Variants in DOCK5 observed in about 807,000 individuals in gnomAD.
DOCK5 encodes the protein dedicator of cytokinesis 5.
Under a neutral mutation model 251.8 loss-of-function variants are expected in DOCK5, and 142 were observed. That is an observed-to-expected ratio of 0.56 (90% CI 0.49 to 0.65). The LOEUF (loss-of-function observed/expected upper bound fraction) is 0.65. Among genes scored for constraint, DOCK5 ranks in the 30% least tolerant of loss-of-function variants. The pLI, the probability that DOCK5 is intolerant of heterozygous loss-of-function variation, is 0.00. For synonymous variants in DOCK5, 842 were observed against 835.5 expected, an observed-to-expected ratio of 1.01 and a Z score of -0.13; for missense variants, 2,111 against 2,312.3, an observed-to-expected ratio of 0.91 and a Z score of 1.79.
chr8:25,286,890 A>G (rs1804349997), intron 5 of DOCK5, among the ~76,000 whole-genome samples: 1 of 152,088 alleles, frequency 6.6e-6, no homozygotes, highest in South Asian at 2.1e-4. Flanking sequence ...TCTTTAGCCC[A>G]TGCAGGTCTC....
In DOCK5 at chr8:25,210,043, TGTG is replaced by T. The variant is rs1802090224; in HGVS notation, c.43+25093_43+25095del. 2.4e-4 allele frequency among the ~76,000 whole-genome samples: 6 copies of T among 25,208 alleles called. 1 individual carries two copies. Among genetic ancestry groups the T allele is most frequent in the African/African-American group, 8.4e-4 (6 of 7,156 alleles). 16.5% of individuals were successfully genotyped at this position (25,208 alleles called of 152,430 possible). A position where few individuals can be genotyped will look rare whatever the true frequency, so the allele number is the denominator to read the frequency against. On this transcript the variant is annotated intron_variant, in intron 1 of 51. Transcript: ENST00000276440. ...ATATATATATATATATAAATGTGTG[TGTG>T]TGTGTGTGTGTGTGTGTGTGTGTAT...
chr8:25,400,820 A>G, intron 46 of DOCK5, 109 bp from the exon 47 acceptor site: 1 of 1,260,398 alleles, frequency 7.9e-7, no homozygotes, highest in East Asian at 2.3e-5. Flanking sequence ...ATTGGCCAGC[A>G]CTATGTCTAG....
At chr8:25,370,569 A>G (rs62502313) in intron 34 of DOCK5, among the ~76,000 whole-genome samples, 5 of 151,676 alleles carry the variant, frequency 3.3e-5, no homozygotes, top group Non-Finnish European at 7.4e-5. Context: ...CAGTGGTGCA[A>G]TGATAGCTCA....
chr8:25,318,701 C>A (rs1281146158), intron 14 of DOCK5, among the ~76,000 whole-genome samples: 1 of 149,384 alleles, frequency 6.7e-6, no homozygotes, highest in Admixed American at 6.7e-5. Context: ...AGAGGATAGG[C>A]AGGAGGTGGT....
Position 25,408,898 on chromosome 8 carries a change from T to G in DOCK5, c.5362T>G (p.Leu1788Val), listed in dbSNP as rs769164073. 1.9e-6 allele frequency: 3 copies of G among 1,614,014 alleles called. No homozygotes were observed. In the Admixed American group the frequency reaches 5.0e-5, roughly 27 times the overall value. Residue 1788 changes from leucine (L) to valine (V), a missense_variant, in exon 50 of 52, where the codon TTG (leucine) becomes GTG (valine). This residue lies in a region of DOCK5 where 1,717 missense variants were observed against 1,892.4 expected (regional missense o/e 0.91). Transcript: ENST00000276440. Reference protein sequence around the residue: ...HGSSPPQSTPLSPPPLTPKAT... With the variant: ...HGSSPPQSTPVSPPPLTPKAT... ...TTCTTCACCTCCTCAGTCAACACCCTTGAGCCCACCTCCACTCACTCCCAA... is the reference window on the plus strand; with the variant it reads ...TTCTTCACCTCCTCAGTCAACACCCGTGAGCCCACCTCCACTCACTCCCAA...
At chr8:25,327,744 G>C (rs1168437056) in intron 18 of DOCK5, among the ~76,000 whole-genome samples, 4 of 152,136 alleles carry the variant, frequency 2.6e-5, no homozygotes, top group African/African-American at 9.7e-5. Context: ...AGGGTGGGGA[G>C]ATTGGGGAGA....
At chr8:25,305,126 G>T (rs1200666799) in intron 11 of DOCK5, 4 of 152,228 alleles carry the variant, frequency 2.6e-5, no homozygotes, top group Non-Finnish European at 5.9e-5. Context: ...CCCACCAGGG[G>T]CCATCGTGCC....
intron 2 of DOCK5, among the ~76,000 whole-genome samples, chr8:25,246,010 T>C (rs951897887): frequency 4.6e-5 from 7 of 152,258 alleles, no homozygotes; most frequent in Non-Finnish European, 1.0e-4. Context: ...TTGCTTTATG[T>C]ATTCTGAGAC....
At chr8:25,393,077 C>G (rs1006966929) in intron 44 of DOCK5, among the ~76,000 whole-genome samples, 195 bp downstream of exon 44, 1 of 152,180 alleles carries the variant, frequency 6.6e-6, no homozygotes, top group Non-Finnish European at 1.5e-5. Context: ...AACACCAGCC[C>G]TAAAGGTCAA....
chr8:25,387,133 C>G (rs990839008), intron 40 of DOCK5, among the ~76,000 whole-genome samples: 1 of 151,786 alleles, frequency 6.6e-6, no homozygotes, highest in Non-Finnish European at 1.5e-5. Flanking sequence ...ATCTCATTAT[C>G]TCTTTTGTTT....
chr8:25,367,477 T>C (rs1800797738), intron 31 of DOCK5, among the ~76,000 whole-genome samples: 1 of 152,208 alleles, frequency 6.6e-6, no homozygotes, highest in South Asian at 2.1e-4. Context: ...TTTCATTTCA[T>C]TGAGAGACTG....
intron 28 of DOCK5, among the ~76,000 whole-genome samples, chr8:25,362,276 A>C (rs1800697175): frequency 6.6e-6 from 1 of 152,146 alleles, no homozygotes; most frequent in African/African-American, 2.4e-5. Flanking sequence ...TATTAAAAGT[A>C]TCCATTTCCC....
At chr8:25,301,923 A>G (rs1274155020) in intron 9 of DOCK5, among the ~76,000 whole-genome samples, 2 of 152,184 alleles carry the variant, frequency 1.3e-5, no homozygotes, top group Non-Finnish European at 2.9e-5. Flanking sequence ...TGGATACCCA[A>G]TAAATGTCAG....
At chr8:25,212,435 C>T (rs545627483) in intron 1 of DOCK5, among the ~76,000 whole-genome samples, 1 of 70,768 alleles carries the variant, frequency 1.4e-5, no homozygotes, top group Non-Finnish European at 4.6e-5. Flanking sequence ...CAACAGTGTG[C>T]TAAGGGCCAC....
chr8:25,313,346 A>G (rs1303933589), intron 13 of DOCK5, among the ~76,000 whole-genome samples: 4 of 152,072 alleles, frequency 2.6e-5, no homozygotes, highest in African/African-American at 9.7e-5. Flanking sequence ...TGGTATCGCT[A>G]CATCTGATGG....
At chr8:25,230,712 G>A (rs1329686708) in intron 1 of DOCK5, among the ~76,000 whole-genome samples, 1 of 151,880 alleles carries the variant, frequency 6.6e-6, no homozygotes, top group Non-Finnish European at 1.5e-5. Flanking sequence ...TTTGCCAGGT[G>A]TGGTGGTGCA....
intron 1 of DOCK5, among the ~76,000 whole-genome samples, chr8:25,195,167 C>T (rs1289205293): frequency 1.3e-5 from 2 of 151,998 alleles, no homozygotes; most frequent in African/African-American, 4.8e-5. Context: ...GTGATCCACC[C>T]GCCTTGGCCT....
At chr8:25,198,923 G>T (rs2117456000) in intron 1 of DOCK5, among the ~76,000 whole-genome samples, 1 of 152,294 alleles carries the variant, frequency 6.6e-6, no homozygotes, top group South Asian at 2.1e-4. Context: ...TTTTCCAGGT[G>T]GAGGTTTTGT....
chr8:25,364,979 G>A (rs564563738), intron 30 of DOCK5, among the ~76,000 whole-genome samples: 3 of 152,140 alleles, frequency 2.0e-5, no homozygotes, highest in East Asian at 1.9e-4. Context: ...CCTCCTTGTC[G>A]CTATAAACAT....
Sources: allele counts gnomAD v4.1 joint callset (sites outside exome capture counted in the v4.1 genomes callset), GRCh38; gene constraint gnomAD v4.1.1; regional missense constraint gnomAD v4.1.1; transcripts MANE v1.5; gene names NCBI Gene and HGNC (gene_info 2026-07-23, HGNC 2026-07-21).